The following AGBL4 variants were observed in gnomAD, a reference collection of about 807,000 sequenced individuals.
The protein encoded by AGBL4 is cytosolic carboxypeptidase 6.
Under a neutral mutation model 66.4 loss-of-function variants are expected in AGBL4, and 58 were observed. The ratio of observed to expected loss-of-function variants is 0.87; its 90% CI spans 0.71 to 1.09. AGBL4 has a LOEUF of 1.09. Ranked by LOEUF, AGBL4 falls within the 50% of genes least tolerant of loss-of-function variation. The pLI is 0.00. For missense variants in AGBL4, 579 were observed against 631.0 expected (o/e 0.92, Z 0.88); for synonymous variants, 234 against 222.9 (o/e 1.05, Z -0.44).
chr1:49,190,020 T>C (rs923511925), intron 4 of AGBL4, among the ~76,000 whole-genome samples: 2 of 152,228 alleles, frequency 1.3e-5, no homozygotes, highest in African/African-American at 4.8e-5. Context: ...AGCTGTGGCA[T>C]ATTGCATGTG....
chr1:49,617,961 C>A (rs569372827), intron 3 of AGBL4, among the ~76,000 whole-genome samples: 19 of 152,206 alleles, frequency 1.2e-4, no homozygotes, highest in African/African-American at 4.3e-4. Context: ...CCCATCAACC[C>A]GTCTTCTACA....
intron 10 of AGBL4, among the ~76,000 whole-genome samples, chr1:48,587,847 T>G (rs1276998110): frequency 3.3e-5 from 5 of 151,674 alleles, no homozygotes; most frequent in Admixed American, 3.3e-4. Flanking sequence ...TTTCACTGTG[T>G]TAGCCAGGAT....
chr1:49,325,493 C>A (rs1464709119), intron 3 of AGBL4, among the ~76,000 whole-genome samples: 1 of 152,206 alleles, frequency 6.6e-6, no homozygotes, highest in African/African-American at 2.4e-5. Flanking sequence ...GCCATTATTA[C>A]CACTGTTGTT....
At chr1:49,702,721 T>C (rs1397341157) in intron 2 of AGBL4, among the ~76,000 whole-genome samples, 2 of 152,010 alleles carry the variant, frequency 1.3e-5, no homozygotes, top group Non-Finnish European at 2.9e-5. Context: ...AAACTGAATC[T>C]AGCAACATAA....
chr1:49,823,149 T>G (rs937699929), intron 2 of AGBL4, among the ~76,000 whole-genome samples: 14 of 152,198 alleles, frequency 9.2e-5, no homozygotes, highest in Non-Finnish European at 1.6e-4. Flanking sequence ...GAAATAACTT[T>G]TGCTTATATT....
intron 3 of AGBL4, among the ~76,000 whole-genome samples, chr1:49,259,229 T>G (rs1314132315): frequency 6.6e-6 from 1 of 150,810 alleles, no homozygotes; most frequent in African/African-American, 2.4e-5. Flanking sequence ...CCATCGAGAC[T>G]AGGAAGAAAC....
At chr1:49,265,232 A>T (rs1282924630) in intron 3 of AGBL4, among the ~76,000 whole-genome samples, 1 of 152,176 alleles carries the variant, frequency 6.6e-6, no homozygotes, top group East Asian at 1.9e-4. Context: ...CTTGGCACTT[A>T]ACCTCCTCTG....
At chr1:49,666,159 CA>C (rs1422759756) in intron 3 of AGBL4, among the ~76,000 whole-genome samples, 2 of 152,166 alleles carry the variant, frequency 1.3e-5, no homozygotes, top group East Asian at 3.9e-4. Flanking sequence ...TTGAGAGCAG[CA>C]ACCCTTATCT....
chr1:48,876,544 G>C (rs764538383), intron 5 of AGBL4, among the ~76,000 whole-genome samples: 9 of 152,108 alleles, frequency 5.9e-5, no homozygotes, highest in Non-Finnish European at 1.2e-4. Flanking sequence ...GTGACAGTAG[G>C]TTGTGCTCAA....
At chr1:48,735,361 G>A (rs866363305) in intron 6 of AGBL4, among the ~76,000 whole-genome samples, 5 of 151,918 alleles carry the variant, frequency 3.3e-5, no homozygotes, top group Non-Finnish European at 7.4e-5. Flanking sequence ...ACCCATTAGA[G>A]GGCCTGGCAA....
At chr1:49,048,683 A>C (rs1422876659) in intron 4 of AGBL4, among the ~76,000 whole-genome samples, 1 of 152,002 alleles carries the variant, frequency 6.6e-6, no homozygotes, top group Non-Finnish European at 1.5e-5. Context: ...TATTTTGTTT[A>C]TTATGTCTCA....
At chr1:49,744,540 T>A (rs932098656) in intron 2 of AGBL4, among the ~76,000 whole-genome samples, 3 of 152,212 alleles carry the variant, frequency 2.0e-5, no homozygotes, top group Admixed American at 2.0e-4. Flanking sequence ...CAAAAAATAC[T>A]AAAGGGATTC....
At chr1:49,941,199 C>G (rs769640272) in intron 1 of AGBL4, among the ~76,000 whole-genome samples, 3 of 152,072 alleles carry the variant, frequency 2.0e-5, no homozygotes, top group Admixed American at 6.6e-5. Flanking sequence ...TTTTAAGTCT[C>G]CCGTCAAAGA....
intron 5 of AGBL4, among the ~76,000 whole-genome samples, chr1:48,922,930 T>C (rs1009927775): frequency 6.6e-6 from 1 of 151,302 alleles, no homozygotes. Context: ...ACTATATATA[T>C]ATATACATAC....
At chr1:48,540,819 A>C (rs559244118) in intron 11 of AGBL4, among the ~76,000 whole-genome samples, 1 of 152,118 alleles carries the variant, frequency 6.6e-6, no homozygotes, top group African/African-American at 2.4e-5. Flanking sequence ...GGCCAGCATC[A>C]TCTTTCTCCT....
At chr1:49,503,287 A>G (rs1034694340) in intron 3 of AGBL4, among the ~76,000 whole-genome samples, 2 of 152,154 alleles carry the variant, frequency 1.3e-5, no homozygotes, top group Non-Finnish European at 1.5e-5. Context: ...ACCTTCACCT[A>G]GATTTCAGAG....
intron 1 of AGBL4, among the ~76,000 whole-genome samples, chr1:49,924,264 G>A (rs979758910): frequency 6.6e-6 from 1 of 152,128 alleles, no homozygotes; most frequent in Non-Finnish European, 1.5e-5. Context: ...ACATAGAGGG[G>A]AACAACACAC....
chr1:49,005,168 A>G (rs1661688573), intron 5 of AGBL4, among the ~76,000 whole-genome samples: 1 of 152,228 alleles, frequency 6.6e-6, no homozygotes, highest in Admixed American at 6.5e-5. Flanking sequence ...CAGGCTATTT[A>G]TCAAAACCAC....
intron 3 of AGBL4, among the ~76,000 whole-genome samples, chr1:49,302,044 A>G (rs1644754635): frequency 6.6e-6 from 1 of 152,124 alleles, no homozygotes; most frequent in African/African-American, 2.4e-5. Flanking sequence ...TCTGTGCAGC[A>G]GGCAAGATGA....
Sources: allele counts gnomAD v4.1 joint callset (sites outside exome capture counted in the v4.1 genomes callset), GRCh38; gene constraint gnomAD v4.1.1; transcripts MANE v1.5; gene names NCBI Gene and HGNC (gene_info 2026-07-23, HGNC 2026-07-21).